The following SGCZ variants were observed in gnomAD, a reference collection of about 807,000 sequenced individuals.
SGCZ encodes sarcoglycan zeta.
SGCZ carries 40 observed loss-of-function variants against 41.3 expected under a neutral mutation model. The ratio of observed to expected loss-of-function variants is 0.97; its 90% CI spans 0.75 to 1.26. SGCZ has a LOEUF of 1.26. Ranked by LOEUF, SGCZ falls within the 50% of genes most tolerant of loss-of-function variation. SGCZ has a pLI of 0.00. For missense variants in SGCZ, 552 were observed against 369.8 expected, an observed-to-expected ratio of 1.49 and a Z score of -4.04; for synonymous variants, 206 against 137.5, an observed-to-expected ratio of 1.50 and a Z score of -3.49.
At chr8:14,330,583 T>A (rs1234045504) in intron 2 of SGCZ, among the ~76,000 whole-genome samples, 1 of 152,062 alleles carries the variant, frequency 6.6e-6, no homozygotes, top group Non-Finnish European at 1.5e-5. Context: ...AAGTGACTGT[T>A]TAAATTTTAA....
intron 1 of SGCZ, among the ~76,000 whole-genome samples, chr8:14,718,575 A>G (rs1041885869): frequency 7.9e-5 from 12 of 152,034 alleles, no homozygotes; most frequent in African/African-American, 2.9e-4. Context: ...AGATTTTAGT[A>G]AACTATACAT....
intron 2 of SGCZ, among the ~76,000 whole-genome samples, chr8:14,545,998 AG>A (rs1803614335): frequency 6.6e-6 from 1 of 152,200 alleles, no homozygotes. Context: ...TTCTTTATAA[AG>A]TCAAGGAAAG....
intron 3 of SGCZ, among the ~76,000 whole-genome samples, chr8:14,314,078 C>A (rs1801635962): frequency 6.6e-6 from 1 of 151,890 alleles, no homozygotes; most frequent in African/African-American, 2.4e-5. Flanking sequence ...GTCTGAGAGA[C>A]CTCACCAGTG....
intron 4 of SGCZ, among the ~76,000 whole-genome samples, chr8:14,221,864 G>C (rs1489728639): frequency 6.6e-6 from 1 of 152,006 alleles, no homozygotes; most frequent in Non-Finnish European, 1.5e-5. Flanking sequence ...GGGAGACTGA[G>C]GCAGGAAAAT....
Position 15,051,989 on chromosome 8 carries a change from T to C in SGCZ, c.39+185596A>G, listed in dbSNP as rs117597402. Among the ~76,000 whole-genome samples the C allele has an allele frequency of 1.0e-3, 159 of 152,234 alleles. 1 individual carries two copies. The East Asian group carries it at 0.021, about 20-fold the overall frequency. ...AGAGATGAACTCGAGGCCAAGATCA[T>C]TGAGAATGTTGAAGTCACAACATTA... On this transcript the variant is annotated intron_variant, in intron 1 of 7. Transcript: ENST00000382080.
chr8:14,738,138 C>G (rs1799101054), intron 1 of SGCZ, among the ~76,000 whole-genome samples: 1 of 152,076 alleles, frequency 6.6e-6, no homozygotes, highest in African/African-American at 2.4e-5. Flanking sequence ...TGAAAGTGAT[C>G]TTATGCAAAT....
At chr8:14,859,903 T>C (rs889702995) in intron 1 of SGCZ, among the ~76,000 whole-genome samples, 12 of 152,202 alleles carry the variant, frequency 7.9e-5, no homozygotes, top group African/African-American at 1.9e-4. Flanking sequence ...TAAATGTGCA[T>C]TGATTAATTG....
intron 1 of SGCZ, among the ~76,000 whole-genome samples, chr8:14,710,843 C>T (rs1222717334): frequency 6.6e-6 from 1 of 151,958 alleles, no homozygotes; most frequent in East Asian, 1.9e-4. Flanking sequence ...AAAAGTCATG[C>T]GGAATTTTCA....
chr8:14,722,947 T>A (rs1809936917), intron 1 of SGCZ, among the ~76,000 whole-genome samples: 1 of 152,166 alleles, frequency 6.6e-6, no homozygotes, highest in African/African-American at 2.4e-5. Context: ...AAAATCTAAA[T>A]TACCAATTCA....
At chr8:14,640,222 C>G (rs1255100993) in intron 1 of SGCZ, among the ~76,000 whole-genome samples, 1 of 151,712 alleles carries the variant, frequency 6.6e-6, no homozygotes, top group African/African-American at 2.4e-5. Context: ...ATTCATTTTT[C>G]TTCTTCCTGT....
At chr8:14,393,563 C>A (rs1466910806) in intron 2 of SGCZ, among the ~76,000 whole-genome samples, 1 of 152,182 alleles carries the variant, frequency 6.6e-6, no homozygotes, top group African/African-American at 2.4e-5. Flanking sequence ...ACACTGCCTC[C>A]TCAAACTAGC....
Position 14,325,745 on chromosome 8 carries a change from CACATATATATAT to C in SGCZ, c.235-1553_235-1542del, listed in dbSNP as rs1391674618. On this transcript the variant is annotated intron_variant, in intron 2 of 7. Coordinates refer to ENST00000382080, the MANE Select transcript of SGCZ (RefSeq NM_139167.4). Reference sequence around the variant, plus strand: ...ACACACACACACACACACACACACACACATATATATATATATATATATATATATATATATATA... The same window carrying C: ...ACACACACACACACACACACACACACATATATATATATATATATATATATA... 4.6e-3 allele frequency among the ~76,000 whole-genome samples: 116 copies of C among 25,466 alleles called. 1 individual carries two copies. The highest frequency in any genetic ancestry group is 0.022 in the Middle Eastern group (1 of 46). 16.7% of individuals were successfully genotyped at this position (25,466 alleles called of 152,430 possible). A position where few individuals can be genotyped will look rare whatever the true frequency, so the allele number is the denominator to read the frequency against.
At chr8:15,052,347 C>G (rs903235564) in intron 1 of SGCZ, among the ~76,000 whole-genome samples, 3 of 152,272 alleles carry the variant, frequency 2.0e-5, no homozygotes, top group Admixed American at 2.0e-4. Context: ...AGGGCATTTG[C>G]TGAAAGCAGG....
At chr8:14,650,280 T>C (rs973200647) in intron 1 of SGCZ, among the ~76,000 whole-genome samples, 5 of 152,046 alleles carry the variant, frequency 3.3e-5, no homozygotes, top group African/African-American at 1.2e-4. Context: ...CTCTTCATCT[T>C]TACAGGCTTC....
intron 3 of SGCZ, among the ~76,000 whole-genome samples, chr8:14,252,662 G>C (rs1256215779): frequency 6.6e-6 from 1 of 152,076 alleles, no homozygotes; most frequent in Non-Finnish European, 1.5e-5. Flanking sequence ...CAAACCTCGA[G>C]ATAATATAAA....
intron 1 of SGCZ, among the ~76,000 whole-genome samples, chr8:14,972,013 A>G (rs1049179896): frequency 1.1e-4 from 16 of 152,040 alleles, no homozygotes; most frequent in African/African-American, 3.1e-4. Context: ...TTTTCATAAT[A>G]ACTGTGTTTG....
At chr8:14,525,474 CATT>C (rs1251212982) in intron 2 of SGCZ, among the ~76,000 whole-genome samples, 2 of 151,926 alleles carry the variant, frequency 1.3e-5, no homozygotes, top group African/African-American at 4.8e-5. Context: ...TTTAATATAT[CATT>C]ATTAATTGAA....
At chr8:14,408,441 A>T (rs1304676581) in intron 2 of SGCZ, among the ~76,000 whole-genome samples, 1 of 152,036 alleles carries the variant, frequency 6.6e-6, no homozygotes, top group Admixed American at 6.6e-5. Context: ...CATGAAATAG[A>T]TCATCAGTCC....
At chr8:14,886,774 G>C (rs935521975) in intron 1 of SGCZ, among the ~76,000 whole-genome samples, 13 of 152,146 alleles carry the variant, frequency 8.5e-5, no homozygotes, top group African/African-American at 3.1e-4. Context: ...TAAAAGAGTA[G>C]CAACATGGTA....
Sources: allele counts gnomAD v4.1 joint callset (sites outside exome capture counted in the v4.1 genomes callset), GRCh38; gene constraint gnomAD v4.1.1; transcripts MANE v1.5; gene names NCBI Gene and HGNC (gene_info 2026-07-23, HGNC 2026-07-21).